Variants in GTF2E2 observed in about 807,000 individuals in gnomAD.
GTF2E2 encodes general transcription factor IIE subunit 2.
A neutral mutation model predicts 40.5 loss-of-function variants in GTF2E2; 21 were observed. That is an observed-to-expected ratio of 0.52 (90% CI 0.37 to 0.75). The LOEUF is 0.75. Among genes scored for constraint, GTF2E2 ranks in the 30% least tolerant of loss-of-function variants. The pLI is 0.00. For synonymous variants in GTF2E2, 117 were observed against 121.6 expected, an observed-to-expected ratio of 0.96 and a Z score of 0.25; for missense variants, 298 against 338.4, an observed-to-expected ratio of 0.88 and a Z score of 0.94.
intron 3 of GTF2E2, among the ~76,000 whole-genome samples, chr8:30,618,355 C>A (rs1800985948): frequency 6.6e-6 from 1 of 151,912 alleles, no homozygotes; most frequent in African/African-American, 2.4e-5. Context: ...AGTAAAGTGG[C>A]TCCTTCATCA....
At chr8:30,652,511 A>G (rs1802314624) in intron 2 of GTF2E2, among the ~76,000 whole-genome samples, 1 of 152,008 alleles carries the variant, frequency 6.6e-6, no homozygotes, top group South Asian at 2.1e-4. Flanking sequence ...TTAAAGCCAC[A>G]ATGATAGAAC....
At chr8:30,594,554 T>TA (rs1191425204) in intron 6 of GTF2E2, among the ~76,000 whole-genome samples, 4,382 of 132,882 alleles carry the variant, frequency 0.033, 95 homozygotes, top group African/African-American at 0.042. Flanking sequence ...AATGGATCTT[T>TA]AAAAAAAAAA....
In GTF2E2 at chr8:30,621,040, G is replaced by C. The variant is rs574622413; in HGVS notation, c.259-6325C>G. 2.0e-5 allele frequency among the ~76,000 whole-genome samples: 3 copies of C among 151,974 alleles called. No homozygotes were observed. In the East Asian group the frequency reaches 5.8e-4, roughly 29 times the overall value. ...AGCCTAAACTAGAAGGAATAATGGA[G>C]GTTACTTGTCTAAGGAGAGCCAATA... On this transcript the variant is annotated intron_variant, in intron 3 of 7. Coordinates refer to ENST00000355904, the MANE Select transcript of GTF2E2 (RefSeq NM_002095.6).
chr8:30,634,106 A>T (rs1031286984), intron 3 of GTF2E2, among the ~76,000 whole-genome samples: 1 of 152,220 alleles, frequency 6.6e-6, no homozygotes, highest in Non-Finnish European at 1.5e-5. Context: ...GAAATTACTT[A>T]GCCATCTTAG....
chr8:30,588,247 T>C (rs1156246739), intron 6 of GTF2E2, among the ~76,000 whole-genome samples: 3 of 152,194 alleles, frequency 2.0e-5, no homozygotes, highest in Non-Finnish European at 4.4e-5. Context: ...TTGAACTTAG[T>C]ATGTTGAGGA....
At chr8:30,614,939 T>C (rs1450297610) in intron 3 of GTF2E2, among the ~76,000 whole-genome samples, 3 of 151,710 alleles carry the variant, frequency 2.0e-5, no homozygotes, top group African/African-American at 4.9e-5. Context: ...GCAACTCGTA[T>C]CACCAAGAGC....
At chr8:30,631,898 A>G (rs2128722867) in intron 3 of GTF2E2, among the ~76,000 whole-genome samples, 1 of 152,306 alleles carries the variant, frequency 6.6e-6, no homozygotes, top group South Asian at 2.1e-4. Flanking sequence ...CCCTGAGCCC[A>G]GGAGTTCAAG....
chr8:30,627,462 A>AC (rs1279717091), intron 3 of GTF2E2, among the ~76,000 whole-genome samples: 3 of 151,418 alleles, frequency 2.0e-5, no homozygotes, highest in African/African-American at 4.8e-5. Flanking sequence ...AAAAAAAAAA[A>AC]AAAAAAAAAC....
At chr8:30,599,770 G>T (rs531580919) in intron 6 of GTF2E2, among the ~76,000 whole-genome samples, 1 of 152,214 alleles carries the variant, frequency 6.6e-6, no homozygotes, top group South Asian at 2.1e-4. Flanking sequence ...AGATCACTAG[G>T]TCAAGAGATC....
In GTF2E2 at chr8:30,611,933, G is replaced by A. The variant is rs766007156; in HGVS notation, c.549+366C>T. 3.3e-5 allele frequency among the ~76,000 whole-genome samples: 5 copies of A among 152,260 alleles called. No individual in the cohort carries two copies. In the South Asian group the frequency reaches 8.3e-4, roughly 25 times the overall value. ...CCAGGTTATTAACCAATGCTTTCATGTTTTAATGCCTCTAGTTCCTCAGGT... is the reference window on the plus strand; with the variant it reads ...CCAGGTTATTAACCAATGCTTTCATATTTTAATGCCTCTAGTTCCTCAGGT... On this transcript the variant is annotated intron_variant, in intron 5 of 7. Coordinates refer to ENST00000355904, the MANE Select transcript of GTF2E2 (RefSeq NM_002095.6).
intron 2 of GTF2E2, among the ~76,000 whole-genome samples, chr8:30,638,434 G>A (rs1801685257): frequency 6.6e-6 from 1 of 152,162 alleles, no homozygotes; most frequent in South Asian, 2.1e-4. Context: ...GAGAAGGGAT[G>A]ACAGTTGATA....
intron 1 of GTF2E2, among the ~76,000 whole-genome samples, chr8:30,654,005 C>T (rs1311096743): frequency 6.6e-6 from 1 of 150,752 alleles, no homozygotes; most frequent in Non-Finnish European, 1.5e-5. Context: ...GGGAGGATCA[C>T]TTCAGCCTGG....
intron 6 of GTF2E2, 115 bp from the exon 7 acceptor site, chr8:30,580,511 T>C (rs1045527622): frequency 7.5e-6 from 5 of 662,476 alleles, no homozygotes; most frequent in South Asian, 5.3e-5. Context: ...ACATCTGATA[T>C]GTCATCATGA....
At chr8:30,635,580 G>A (rs1319428301) in intron 2 of GTF2E2, among the ~76,000 whole-genome samples, 4 of 151,618 alleles carry the variant, frequency 2.6e-5, no homozygotes, top group African/African-American at 7.3e-5. Flanking sequence ...ATGGGGTTTC[G>A]CCATGTTGCC....
chr8:30,599,227 T>G (rs1449764583), intron 6 of GTF2E2, among the ~76,000 whole-genome samples: 1 of 152,054 alleles, frequency 6.6e-6, no homozygotes, highest in Non-Finnish European at 1.5e-5. Flanking sequence ...CTCAAGAAAA[T>G]GTACACACAG....
At position 30,631,944 on chromosome 8, in the gene GTF2E2, CA is replaced by C. The variant is rs964787644; in HGVS notation, c.258+3087del. Among the ~76,000 whole-genome samples, 5 of 151,626 alleles carry C rather than the reference CA, an allele frequency of 3.3e-5. No individual in the cohort carries two copies. In the East Asian group the frequency reaches 9.7e-4, roughly 29 times the overall value. On this transcript the variant is annotated intron_variant, in intron 3 of 7. Transcript: ENST00000355904. ...GCAACACTGAGAGACCCTGTCTCTA[CA>C]AAAAAAATACAAAAATTAGCCAGGC...
chr8:30,637,234 A>C, intron 2 of GTF2E2: 1 of 456,068 alleles, frequency 2.2e-6, no homozygotes, highest in South Asian at 1.6e-5. Flanking sequence ...GTAAAATAAT[A>C]TTAAGCTTAC....
chr8:30,616,755 G>C (rs988073748), intron 3 of GTF2E2, among the ~76,000 whole-genome samples: 5 of 152,050 alleles, frequency 3.3e-5, no homozygotes, highest in Admixed American at 2.0e-4. Flanking sequence ...GCAGGGAATG[G>C]ATGAGAATTC....
At chr8:30,606,021 G>A (rs1354030031) in intron 6 of GTF2E2, among the ~76,000 whole-genome samples, 6 of 152,096 alleles carry the variant, frequency 3.9e-5, no homozygotes, top group African/African-American at 1.2e-4. Context: ...TGCAAGTAAC[G>A]AAGACTGAAA....
Sources: allele counts gnomAD v4.1 joint callset (sites outside exome capture counted in the v4.1 genomes callset), GRCh38; gene constraint gnomAD v4.1.1; transcripts MANE v1.5; gene names NCBI Gene and HGNC (gene_info 2026-07-23, HGNC 2026-07-21).